HOPX: variants seen among roughly 807,000 people sequenced by gnomAD.
The protein encoded by HOPX is homeodomain-only protein.
HOPX carries 5 observed loss-of-function variants against 11.8 expected under a neutral mutation model. The observed-to-expected ratio is 0.43, with a 90% CI of 0.22 to 0.89. The LOEUF (loss-of-function observed/expected upper bound fraction) is 0.89. Ranked by LOEUF, HOPX falls within the 40% of genes least tolerant of loss-of-function variation. The probability of loss-of-function intolerance (pLI) is 0.28; values close to 1 mark genes in which losing one functional copy is unlikely to be tolerated. For missense variants in HOPX, 119 were observed against 120.0 expected (o/e 0.99, Z 0.04); for synonymous variants, 49 against 49.7 (o/e 0.99, Z 0.06).
intron 2 of HOPX, among the ~76,000 whole-genome samples, chr4:56,657,347 C>CA (rs1473111386): frequency 2.0e-5 from 3 of 152,100 alleles, no homozygotes; most frequent in Admixed American, 2.0e-4. Context: ...CAAACAATTG[C>CA]AAAATCATCC....
At chr4:56,652,778 CCA>C (rs1717333150) in intron 3 of HOPX, among the ~76,000 whole-genome samples, 1 of 151,976 alleles carries the variant, frequency 6.6e-6, no homozygotes, top group Non-Finnish European at 1.5e-5. Flanking sequence ...CATAGTCGTG[CCA>C]CTGTACTCCA....
At chr4:56,661,941 C>T (rs1172995290) in intron 1 of HOPX, among the ~76,000 whole-genome samples, 2 of 152,074 alleles carry the variant, frequency 1.3e-5, no homozygotes, top group African/African-American at 4.8e-5. Context: ...ACCATTTTCT[C>T]CTCTACAGAA....
At chr4:56,670,417 A>G (rs1349570120) in intron 1 of HOPX, among the ~76,000 whole-genome samples, 2 of 152,098 alleles carry the variant, frequency 1.3e-5, no homozygotes, top group Non-Finnish European at 2.9e-5. Flanking sequence ...AGAAATGTGT[A>G]CTACTAAGCT....
intron 1 of HOPX, among the ~76,000 whole-genome samples, chr4:56,668,624 C>T (rs1330492682): frequency 6.6e-6 from 1 of 152,162 alleles, no homozygotes; most frequent in African/African-American, 2.4e-5. Context: ...TCAAGCGATC[C>T]TTCCAAGTCA....
At chr4:56,651,947 A>C (rs1578325863) in intron 3 of HOPX, among the ~76,000 whole-genome samples, 1 of 149,934 alleles carries the variant, frequency 6.7e-6, no homozygotes, top group Admixed American at 6.7e-5. Context: ...GATCATCCCA[A>C]CCTCCCACGG....
intron 3 of HOPX, among the ~76,000 whole-genome samples, chr4:56,655,467 C>A (rs186865830): frequency 9.9e-4 from 151 of 152,338 alleles, no homozygotes; most frequent in Non-Finnish European, 1.4e-3. Context: ...GAAGGTTTCG[C>A]AGACAGACCA....
Position 56,648,705 on chromosome 4 carries a change from A to G in HOPX, c.*15T>C, listed in dbSNP as rs1193231298. On this transcript the variant is annotated 3_prime_UTR_variant, in exon 4 of 4. Transcript: ENST00000420433. ...TGGCCTTCATGGAGTGAAGCTGTCA[A>G]TGCCTGCCATCTCCTTAGTCTGTGA... is the stretch of plus-strand genomic sequence containing the variant. 6.3e-7 allele frequency: 1 copy of G among 1,577,280 alleles called. No homozygotes were observed. The highest frequency in any genetic ancestry group is 8.7e-7 in the Non-Finnish European group (1 of 1,151,430).
intron 1 of HOPX, among the ~76,000 whole-genome samples, chr4:56,672,488 G>A (rs1023923973): frequency 4.0e-5 from 6 of 151,390 alleles, no homozygotes; most frequent in African/African-American, 2.4e-5. Flanking sequence ...GCAGTGAGCC[G>A]AGATGATGCC....
chr4:56,657,590 C>T (rs1255778820), intron 2 of HOPX, among the ~76,000 whole-genome samples, 185 bp downstream of exon 2: 2 of 152,158 alleles, frequency 1.3e-5, no homozygotes, highest in East Asian at 1.9e-4. Context: ...TGCCAAGCCA[C>T]CATGAAATCC....
chr4:56,678,108 T>C (rs932952000), intron 1 of HOPX, among the ~76,000 whole-genome samples: 6 of 151,666 alleles, frequency 4.0e-5, no homozygotes, highest in African/African-American at 7.3e-5. Flanking sequence ...TTCCAAGGAT[T>C]CGCTTGGAAG....
chr4:56,655,813 C>T (rs1454647065), intron 3 of HOPX, 44 bp downstream of exon 3: 7 of 498,354 alleles, frequency 1.4e-5, no homozygotes, highest in South Asian at 6.2e-5. Context: ...GAAGGCTCAG[C>T]CCAGGCAGGG....
intron 1 of HOPX, among the ~76,000 whole-genome samples, chr4:56,667,867 A>G (rs190717305): frequency 2.2e-4 from 34 of 152,292 alleles, no homozygotes; most frequent in Admixed American, 2.0e-3. Flanking sequence ...TGTATAATAA[A>G]GGGACCCGAT....
chr4:56,660,982 C>T (rs895994789), intron 1 of HOPX, among the ~76,000 whole-genome samples: 1 of 152,112 alleles, frequency 6.6e-6, no homozygotes, highest in African/African-American at 2.4e-5. Context: ...GAGGCAGGGT[C>T]TCGCTGTCAC....
chr4:56,658,830 G>A (rs1359751208), intron 1 of HOPX, among the ~76,000 whole-genome samples: 1 of 152,192 alleles, frequency 6.6e-6, no homozygotes, highest in Non-Finnish European at 1.5e-5. Context: ...CATTCAAGGA[G>A]TAATTTGTCC....
intron 1 of HOPX, among the ~76,000 whole-genome samples, chr4:56,669,606 C>T (rs1158118606): frequency 6.6e-6 from 1 of 151,618 alleles, no homozygotes; most frequent in Non-Finnish European, 1.5e-5. Flanking sequence ...TTGTAGTGAG[C>T]CAAGATCACA....
chr4:56,654,442 A>G (rs1235537546), intron 3 of HOPX, among the ~76,000 whole-genome samples: 1 of 152,152 alleles, frequency 6.6e-6, no homozygotes, highest in Non-Finnish European at 1.5e-5. Flanking sequence ...TGTCTCCATG[A>G]TCACTCCTCT....
chr4:56,650,111 G>A (rs942755442), intron 3 of HOPX: 1 of 154,868 alleles, frequency 6.5e-6, no homozygotes, highest in African/African-American at 2.4e-5. Flanking sequence ...CTGCAGCCCT[G>A]GGCTCTGCCA....
intron 2 of HOPX, 93 bp from the exon 3 acceptor site, chr4:56,656,105 C>T (rs1717693790): frequency 1.1e-5 from 14 of 1,305,230 alleles, no homozygotes; most frequent in Non-Finnish European, 1.4e-5. Flanking sequence ...CGGGCAGCCC[C>T]AGCCCCAGGC....
At chr4:56,676,568 T>C (rs971447604) in intron 1 of HOPX, 1 of 151,370 alleles carries the variant, frequency 6.6e-6, no homozygotes, top group Non-Finnish European at 1.5e-5. Context: ...GGAGAAACTC[T>C]GAATAACAGG....
Sources: gnomAD v4.1 joint callset for allele counts (sites outside exome capture counted in the v4.1 genomes callset) on GRCh38, gnomAD v4.1.1 for gene constraint, MANE v1.5 for transcripts, NCBI Gene and HGNC (gene_info 2026-07-23, HGNC 2026-07-21) for gene names.